The following WWOX variants were observed in gnomAD, a reference collection of about 807,000 sequenced individuals.
WWOX encodes WW domain-containing oxidoreductase.
Under a neutral mutation model 46.2 loss-of-function variants are expected in WWOX, and 69 were observed. The ratio of observed to expected loss-of-function variants is 1.49; its 90% CI spans 1.23 to 1.82. WWOX has a LOEUF of 1.82. WWOX is among the 40% of genes most tolerant of loss of function. The pLI, the probability that WWOX is intolerant of heterozygous loss-of-function variation, is 0.00. For synonymous variants in WWOX, 359 were observed against 202.6 expected, an observed-to-expected ratio of 1.77 and a Z score of -6.56; for missense variants, 919 against 542.6, an observed-to-expected ratio of 1.69 and a Z score of -6.89.
intron 5 of WWOX, among the ~76,000 whole-genome samples, chr16:78,272,363 A>G (rs1215546409): frequency 3.9e-5 from 6 of 152,182 alleles, no homozygotes; most frequent in Admixed American, 3.9e-4. Context: ...TGGCAGATAT[A>G]GGGCCATCAG....
chr16:79,131,892 G>A (rs2150697094), intron 8 of WWOX, among the ~76,000 whole-genome samples: 1 of 152,244 alleles, frequency 6.6e-6, no homozygotes, highest in Middle Eastern at 3.4e-3. Flanking sequence ...TTACACGGAT[G>A]GCAGCAGGCA....
chr16:78,118,658 C>G (rs2032936389), intron 4 of WWOX, among the ~76,000 whole-genome samples: 1 of 152,120 alleles, frequency 6.6e-6, no homozygotes, highest in East Asian at 1.9e-4. Flanking sequence ...ATCTAGCTCG[C>G]AAAACTGTAA....
At chr16:78,771,142 A>T (rs2050054090) in intron 8 of WWOX, among the ~76,000 whole-genome samples, 1 of 152,214 alleles carries the variant, frequency 6.6e-6, no homozygotes, top group Admixed American at 6.5e-5. Context: ...ATTTGGCCAG[A>T]GCACGCATTT....
At chr16:78,860,863 G>A (rs773582297) in intron 8 of WWOX, among the ~76,000 whole-genome samples, 1 of 152,088 alleles carries the variant, frequency 6.6e-6, no homozygotes, top group Non-Finnish European at 1.5e-5. Context: ...TTGAGATAGG[G>A]TCTCACTCTG....
chr16:78,441,253 T>A (rs2083438098), intron 8 of WWOX, among the ~76,000 whole-genome samples: 1 of 152,160 alleles, frequency 6.6e-6, no homozygotes, highest in African/African-American at 2.4e-5. Context: ...TGTCCCCCCT[T>A]CTCTTGACAG....
intron 5 of WWOX, among the ~76,000 whole-genome samples, chr16:78,188,290 C>G (rs1168098773): frequency 2.0e-5 from 3 of 152,026 alleles, no homozygotes; most frequent in African/African-American, 7.2e-5. Flanking sequence ...GAGATCGAGA[C>G]CATCCTGGCT....
At chr16:78,737,193 A>G (rs1377475833) in intron 8 of WWOX, among the ~76,000 whole-genome samples, 1 of 151,776 alleles carries the variant, frequency 6.6e-6, no homozygotes, top group Admixed American at 6.6e-5. Flanking sequence ...TCCACCTCCC[A>G]TGTTCAAGCT....
chr16:78,961,383 A>C (rs1487557552), intron 8 of WWOX, among the ~76,000 whole-genome samples: 1 of 152,228 alleles, frequency 6.6e-6, no homozygotes, highest in Non-Finnish European at 1.5e-5. Flanking sequence ...AGGAGGTTGC[A>C]GTTTGTGGCA....
At chr16:78,729,854 G>C (rs990485875) in intron 8 of WWOX, among the ~76,000 whole-genome samples, 1 of 152,140 alleles carries the variant, frequency 6.6e-6, no homozygotes, top group East Asian at 1.9e-4. Flanking sequence ...CTTCCTGATA[G>C]TGAAACCACT....
At chr16:78,966,563 T>C (rs2046366256) in intron 8 of WWOX, among the ~76,000 whole-genome samples, 1 of 152,222 alleles carries the variant, frequency 6.6e-6, no homozygotes, top group Admixed American at 6.5e-5. Context: ...TGTTTCTAAA[T>C]TTTCCTTACT....
chr16:78,926,771 G>C (rs2045508002), intron 8 of WWOX, among the ~76,000 whole-genome samples: 1 of 152,102 alleles, frequency 6.6e-6, no homozygotes, highest in Admixed American at 6.5e-5. Flanking sequence ...TGAGTATTGA[G>C]AGCTGAGTGC....
At chr16:79,116,772 C>T (rs570548134) in intron 8 of WWOX, among the ~76,000 whole-genome samples, 11 of 151,902 alleles carry the variant, frequency 7.2e-5, no homozygotes, top group Admixed American at 5.3e-4. Context: ...CCATGAATCA[C>T]GAATGTTCTT....
intron 8 of WWOX, among the ~76,000 whole-genome samples, chr16:78,600,688 C>T (rs1354056291): frequency 3.3e-5 from 5 of 152,132 alleles, no homozygotes; most frequent in South Asian, 2.1e-4. Context: ...GATGAAACTG[C>T]CCTAGAACGA....
Position 78,873,276 on chromosome 16 carries a change from C to G in WWOX, c.1057-338332C>G, listed in dbSNP as rs1313304916. On this transcript the variant is annotated intron_variant, in intron 8 of 8. Coordinates refer to ENST00000566780, the MANE Select transcript of WWOX (RefSeq NM_016373.4). ...GTTTTAGATAGAGGTTTGAATGTCA[C>G]TAATTACCAACGTGTAGCTCCTAAT... 3.9e-5 allele frequency: 6 copies of G among 152,296 alleles called. No individual in the cohort carries two copies. The East Asian group carries it at 1.2e-3, about 29-fold the overall frequency. The allele number at this position is 152,296 out of a possible 1,614,324, so 9.4% of individuals were successfully genotyped here.
chr16:78,231,658 C>A (rs1416185218), intron 5 of WWOX, among the ~76,000 whole-genome samples: 1 of 152,130 alleles, frequency 6.6e-6, no homozygotes, highest in Admixed American at 6.6e-5. Context: ...AATTCATAAC[C>A]CAAGAGAAGG....
intron 8 of WWOX, among the ~76,000 whole-genome samples, chr16:79,045,204 G>C (rs2048042186): frequency 6.6e-6 from 1 of 152,184 alleles, no homozygotes; most frequent in African/African-American, 2.4e-5. Flanking sequence ...TTAGAACCAA[G>C]TTCTTATGTG....
At chr16:78,553,908 C>A (rs17640021) in intron 8 of WWOX, among the ~76,000 whole-genome samples, 10,217 of 152,024 alleles carry the variant, frequency 0.067, 442 homozygotes, top group Middle Eastern at 0.15. Context: ...AGCAAACTCC[C>A]ACAGCTTGGT....
chr16:78,113,537 TG>T (rs752682792), intron 3 of WWOX, among the ~76,000 whole-genome samples: 3 of 152,156 alleles, frequency 2.0e-5, no homozygotes, highest in Non-Finnish European at 4.4e-5. Flanking sequence ...GCAAGGGCTT[TG>T]GGGGGAACCT....
chr16:78,278,498 G>T, intron 5 of WWOX: 2 of 1,161,956 alleles, frequency 1.7e-6, no homozygotes, highest in Non-Finnish European at 2.4e-6. Flanking sequence ...GCTTGAATTT[G>T]TTAATTAATT....
Sources: gnomAD v4.1 joint callset for allele counts (sites outside exome capture counted in the v4.1 genomes callset) on GRCh38, gnomAD v4.1.1 for gene constraint, MANE v1.5 for transcripts, NCBI Gene and HGNC (gene_info 2026-07-23, HGNC 2026-07-21) for gene names.